The following RPTOR variants were observed in gnomAD, a reference collection of about 807,000 sequenced individuals.
RPTOR encodes the protein regulatory associated protein of MTOR complex 1, also known as regulatory-associated protein of mTOR.
Under a neutral mutation model 169.9 loss-of-function variants are expected in RPTOR, and 21 were observed. The ratio of observed to expected loss-of-function variants is 0.12; its 90% CI spans 0.09 to 0.18. RPTOR has a LOEUF of 0.18. Among genes scored for constraint, RPTOR ranks in the 10% least tolerant of loss-of-function variants. The probability of loss-of-function intolerance (pLI) is 1.00; values close to 1 mark genes in which losing one functional copy is unlikely to be tolerated. For missense variants in RPTOR, 1,133 were observed against 1,855.9 expected (o/e 0.61, Z 7.16); for synonymous variants, 732 against 753.2 (o/e 0.97, Z 0.46).
At chr17:80,922,676 C>T (rs537817711) in intron 21 of RPTOR, 48 bp from the exon 22 acceptor site, 14 of 1,460,462 alleles carry the variant, frequency 9.6e-6, no homozygotes, top group Admixed American at 2.0e-5. Context: ...GCGGCCTCCG[C>T]GGAGCACGTC....
rs773786930 is a variant in RPTOR, at chr17:80,964,243, C to T, written c.3940-19C>T. 13 of 1,603,400 alleles carry T rather than the reference C, an allele frequency of 8.1e-6. No homozygotes were observed. In the Admixed American group the frequency reaches 1.7e-4, roughly 21 times the overall value. On this transcript the variant is annotated intron_variant, in intron 33 of 33. Coordinates refer to ENST00000306801, the MANE Select transcript of RPTOR (RefSeq NM_020761.3). ...TGCCCGCACCTGAACCCCTGCTCAC[C>T]CCTTCTCTCTCCTTGCAGCCTCACC...
chr17:80,764,114 T>C (rs2066761911), intron 6 of RPTOR, among the ~76,000 whole-genome samples: 1 of 148,870 alleles, frequency 6.7e-6, no homozygotes. Context: ...TATGACTTCT[T>C]TTGTTATTTT....
intron 3 of RPTOR, among the ~76,000 whole-genome samples, chr17:80,685,199 G>GCAC: frequency 3.4e-4 from 51 of 151,192 alleles, no homozygotes; most frequent in African/African-American, 6.8e-4. Context: ...ATTCAGGGTC[G>GCAC]CTTGTTGCGT....
intron 4 of RPTOR, among the ~76,000 whole-genome samples, chr17:80,723,590 T>C (rs1195146540): frequency 1.3e-5 from 2 of 151,452 alleles, no homozygotes; most frequent in Non-Finnish European, 2.9e-5. Context: ...ATCAACCATT[T>C]TTCCAAGGAT....
intron 4 of RPTOR, among the ~76,000 whole-genome samples, chr17:80,718,741 G>A (rs1181549430): frequency 1.2e-4 from 19 of 152,226 alleles, no homozygotes; most frequent in Non-Finnish European, 2.2e-4. Flanking sequence ...TGCTATGGGA[G>A]CCTGGAGCCT....
chr17:80,855,352 C>G (rs937752095), intron 11 of RPTOR, 112 bp from the exon 12 acceptor site: 3 of 742,640 alleles, frequency 4.0e-6, no homozygotes, highest in Non-Finnish European at 7.2e-6. Context: ...AAGCAGCAGA[C>G]AGATCTGAAC....
At chr17:80,660,785 A>G (rs1470771195) in intron 3 of RPTOR, among the ~76,000 whole-genome samples, 5 of 152,126 alleles carry the variant, frequency 3.3e-5, no homozygotes, top group East Asian at 1.9e-4. Flanking sequence ...ACTGTCCCCA[A>G]TGCAGGCAGC....
intron 24 of RPTOR, 53 bp downstream of exon 24, chr17:80,925,533 C>A: frequency 7.1e-7 from 1 of 1,407,512 alleles, no homozygotes; most frequent in South Asian, 1.2e-5. Context: ...ATGTGTCTGT[C>A]CCACTTCTTT....
In RPTOR at chr17:80,885,119, G is replaced by A. The variant is rs139699519; in HGVS notation, c.1954G>A (p.Val652Ile). The change falls in exon 17 of 34, where the codon GTC (valine) becomes ATC (isoleucine). Residue 652 changes from valine (V) to isoleucine (I), a missense_variant. Val to Ile is a conservative substitution (Grantham distance 29). Coordinates refer to ENST00000306801, the MANE Select transcript of RPTOR (RefSeq NM_020761.3). ...CGTGGCCATGATGCTGGCCCAGCTG[G>A]TCAGCGACGGGAGCCCCATGGTCCG... ...HNVAMMLAQL[V>I]SDGSPMVRKE... 1.6e-5 allele frequency: 25 copies of A among 1,566,820 alleles called. No homozygotes were observed. The African/African-American group carries it at 3.4e-4, about 21-fold the overall frequency.
At chr17:80,657,264 C>T (rs1598197239) in intron 3 of RPTOR, among the ~76,000 whole-genome samples, 1 of 152,118 alleles carries the variant, frequency 6.6e-6, no homozygotes, top group East Asian at 1.9e-4. Flanking sequence ...ATGGCAGAAG[C>T]AAGCTCCAGA....
At chr17:80,617,266 A>G (rs2065318841) in intron 1 of RPTOR, among the ~76,000 whole-genome samples, 1 of 151,970 alleles carries the variant, frequency 6.6e-6, no homozygotes, top group South Asian at 2.1e-4. Flanking sequence ...ACAGTTTTGT[A>G]CCCTCCTCTT....
intron 4 of RPTOR, among the ~76,000 whole-genome samples, chr17:80,711,073 C>T (rs1349580304): frequency 6.6e-6 from 1 of 152,182 alleles, no homozygotes; most frequent in Non-Finnish European, 1.5e-5. Context: ...CTGACTTTTG[C>T]AGGACCTTGT....
At chr17:80,799,761 G>A (rs1026380810) in intron 7 of RPTOR, among the ~76,000 whole-genome samples, 21 of 148,060 alleles carry the variant, frequency 1.4e-4, no homozygotes, top group African/African-American at 3.6e-4. Flanking sequence ...CCCAGCGGCC[G>A]CCCTGCACAC....
intron 4 of RPTOR, chr17:80,709,231 C>T (rs1389286058): frequency 2.8e-6 from 1 of 360,898 alleles, no homozygotes; most frequent in African/African-American, 2.2e-5. Context: ...TCAAAACGAT[C>T]GTTGTGAAGG....
intron 11 of RPTOR, among the ~76,000 whole-genome samples, chr17:80,854,436 G>A (rs778755205): frequency 1.9e-4 from 29 of 152,376 alleles, no homozygotes; most frequent in Middle Eastern, 3.4e-3. Flanking sequence ...GCCCACGTGC[G>A]TGCCGTCGAG....
chr17:80,913,071 A>C (rs1340702177), intron 21 of RPTOR, among the ~76,000 whole-genome samples: 1 of 152,182 alleles, frequency 6.6e-6, no homozygotes, highest in African/African-American at 2.4e-5. Flanking sequence ...TTTAAGAGTA[A>C]ACATTGCTAC....
At chr17:80,604,069 A>T (rs1256401174) in intron 1 of RPTOR, among the ~76,000 whole-genome samples, 1 of 152,160 alleles carries the variant, frequency 6.6e-6, no homozygotes, top group East Asian at 1.9e-4. Flanking sequence ...ACAGATACCA[A>T]CTTATCCTTT....
intron 9 of RPTOR, among the ~76,000 whole-genome samples, chr17:80,832,447 G>A (rs138252175): frequency 6.6e-6 from 1 of 152,312 alleles, no homozygotes; most frequent in Non-Finnish European, 1.5e-5. Flanking sequence ...GCAGTGTCTG[G>A]TCCAGCCTCA....
At chr17:80,938,672 T>C (rs1427359506) in intron 24 of RPTOR, among the ~76,000 whole-genome samples, 1 of 152,216 alleles carries the variant, frequency 6.6e-6, no homozygotes, top group African/African-American at 2.4e-5. Context: ...GGTTTGGATG[T>C]CTTTTTTGCT....
Sources: allele counts gnomAD v4.1 joint callset (sites outside exome capture counted in the v4.1 genomes callset), GRCh38; gene constraint gnomAD v4.1.1; transcripts MANE v1.5; gene names NCBI Gene and HGNC (gene_info 2026-07-23, HGNC 2026-07-21).